NRXN3: variants seen among roughly 807,000 people sequenced by gnomAD.
NRXN3 encodes the protein neurexin 3.
Under a neutral mutation model 137.6 loss-of-function variants are expected in NRXN3, and 32 were observed. That is an observed-to-expected ratio of 0.23 (90% CI 0.18 to 0.31). NRXN3 has a LOEUF of 0.31. Among genes scored for constraint, NRXN3 ranks in the 10% least tolerant of loss-of-function variants. The probability of loss-of-function intolerance (pLI) is 1.00; values close to 1 mark genes in which losing one functional copy is unlikely to be tolerated. For synonymous variants in NRXN3, 798 were observed against 784.5 expected (o/e 1.02, Z -0.29); for missense variants, 1,574 against 2,062.5 (o/e 0.76, Z 4.59).
chr14:78,424,836 C>T (rs1222474223), intron 4 of NRXN3, among the ~76,000 whole-genome samples: 1 of 152,138 alleles, frequency 6.6e-6, no homozygotes, highest in African/African-American at 2.4e-5. Context: ...GAAACTGAGG[C>T]ACAGAGAAAT....
chr14:78,897,874 A>G (rs1352908407), intron 10 of NRXN3, among the ~76,000 whole-genome samples: 1 of 151,960 alleles, frequency 6.6e-6, no homozygotes, highest in Non-Finnish European at 1.5e-5. Flanking sequence ...CATGGATGGC[A>G]TATACCTTAT....
intron 1 of NRXN3, among the ~76,000 whole-genome samples, chr14:78,218,126 A>C (rs2063479983): frequency 1.3e-5 from 2 of 152,176 alleles, no homozygotes; most frequent in African/African-American, 4.8e-5. Flanking sequence ...GTTGTTTTAT[A>C]AAAAGGCCTT....
intron 20 of NRXN3, among the ~76,000 whole-genome samples, chr14:79,817,684 C>A (rs1037198551): frequency 4.6e-5 from 7 of 152,084 alleles, no homozygotes; most frequent in Admixed American, 1.3e-4. Flanking sequence ...CTGCCCCCAG[C>A]GTGGACACCC....
chr14:79,459,427 G>A (rs1346042023), intron 15 of NRXN3, among the ~76,000 whole-genome samples: 1 of 152,020 alleles, frequency 6.6e-6, no homozygotes, highest in Non-Finnish European at 1.5e-5. Flanking sequence ...ATAAGAAAAG[G>A]AAATTAGGGC....
In NRXN3 at chr14:79,565,209, GTA is replaced by G. The variant is rs536071615; in HGVS notation, c.3444+97815_3444+97816del. Among the ~76,000 whole-genome samples the G allele has an allele frequency of 3.0e-3, 357 of 118,570 alleles. 2 individuals carry two copies. The highest frequency in any genetic ancestry group is 0.011 in the African/African-American group (330 of 28,854). 77.8% of individuals were successfully genotyped at this position (118,570 alleles called of 152,430 possible). A position where few individuals can be genotyped will look rare whatever the true frequency, so the allele number is the denominator to read the frequency against. ...GGATTGTAGCTAGTTTTATGTTTGT[GTA>G]TATATATGTGTGTGTATATATACAT... On this transcript the variant is annotated intron_variant, in intron 16 of 20. Transcript: ENST00000335750.
chr14:78,713,745 G>C (rs1371524449), intron 7 of NRXN3, among the ~76,000 whole-genome samples: 2 of 152,208 alleles, frequency 1.3e-5, no homozygotes, highest in African/African-American at 4.8e-5. Context: ...AGGAGAGAGA[G>C]AAGTGCAGTG....
At chr14:78,788,045 T>G (rs1471115255) in intron 8 of NRXN3, among the ~76,000 whole-genome samples, 3 of 152,200 alleles carry the variant, frequency 2.0e-5, no homozygotes, top group African/African-American at 7.2e-5. Context: ...AAACATATTT[T>G]CTTATGCAGT....
chr14:79,258,212 T>C (rs2077058160), intron 15 of NRXN3, among the ~76,000 whole-genome samples: 1 of 152,280 alleles, frequency 6.6e-6, no homozygotes, highest in Non-Finnish European at 1.5e-5. Flanking sequence ...TTATTTAATT[T>C]TTGGAGACAG....
chr14:78,840,396 A>G (rs1010284924), intron 10 of NRXN3, among the ~76,000 whole-genome samples: 8 of 152,232 alleles, frequency 5.3e-5, no homozygotes, highest in Non-Finnish European at 8.8e-5. Context: ...AGATTGGATC[A>G]ATATATAAAA....
chr14:79,522,498 C>G (rs1700759637), intron 16 of NRXN3, among the ~76,000 whole-genome samples: 1 of 152,160 alleles, frequency 6.6e-6, no homozygotes, highest in Admixed American at 6.5e-5. Flanking sequence ...ATATTTCTAA[C>G]TACCTTCCAA....
intron 4 of NRXN3, among the ~76,000 whole-genome samples, chr14:78,463,809 AATTTTTGCTGAATAC>A (rs1241493570): frequency 2.7e-5 from 4 of 150,692 alleles, no homozygotes; most frequent in African/African-American, 9.8e-5. Context: ...GTACTCAGCA[AATTTTTGCTGAATAC>A]ATTTACTTAG....
intron 19 of NRXN3, among the ~76,000 whole-genome samples, chr14:79,717,917 G>A (rs2098829122): frequency 6.6e-6 from 1 of 152,184 alleles, no homozygotes; most frequent in East Asian, 1.9e-4. Flanking sequence ...TTTTTTGGGA[G>A]AGCAGGGTGA....
chr14:78,785,811 T>G (rs1272484066), intron 8 of NRXN3, among the ~76,000 whole-genome samples: 1 of 152,144 alleles, frequency 6.6e-6, no homozygotes, highest in African/African-American at 2.4e-5. Context: ...TGTACCTCCA[T>G]GTTTATGAAT....
chr14:79,228,638 G>A (rs2071528521), intron 15 of NRXN3, among the ~76,000 whole-genome samples: 1 of 152,146 alleles, frequency 6.6e-6, no homozygotes, highest in African/African-American at 2.4e-5. Flanking sequence ...TATATGGAGA[G>A]AGAGAAAAGG....
At position 79,366,980 on chromosome 14, in the gene NRXN3, CTTTTTTTTTTT is replaced by C. The variant is rs71131695; in HGVS notation, c.3263-100231_3263-100221del. Among the ~76,000 whole-genome samples, 3 of 113,204 alleles carry C rather than the reference CTTTTTTTTTTT, an allele frequency of 2.7e-5. 1 individual carries two copies. Among genetic ancestry groups the C allele is most frequent in the African/African-American group, 6.3e-5 (2 of 31,504 alleles). The allele number at this position is 113,204 out of a possible 152,430, so 74.3% of individuals were successfully genotyped here. On this transcript the variant is annotated intron_variant, in intron 15 of 20. Coordinates refer to ENST00000335750, the MANE Select transcript of NRXN3 (RefSeq NM_001330195.2). ...AGAATTAAAAACTCAGTCCCTTAGT[CTTTTTTTTTTT>C]TTTTTTTTTGGAGATGGAGTCTTGC...
intron 15 of NRXN3, among the ~76,000 whole-genome samples, chr14:79,177,042 C>A (rs1025713973): frequency 6.6e-6 from 1 of 152,056 alleles, no homozygotes; most frequent in Non-Finnish European, 1.5e-5. Context: ...TGAAATAGCT[C>A]TAGAGAAAAA....
chr14:78,480,237 G>A (rs1375448416), intron 4 of NRXN3, among the ~76,000 whole-genome samples: 2 of 152,152 alleles, frequency 1.3e-5, no homozygotes, highest in African/African-American at 4.8e-5. Flanking sequence ...TTATATAGTG[G>A]CTGCAATTCT....
chr14:79,292,380 G>T (rs181586427), intron 15 of NRXN3, among the ~76,000 whole-genome samples: 1 of 152,142 alleles, frequency 6.6e-6, no homozygotes, highest in African/African-American at 2.4e-5. Flanking sequence ...CTAAGAATCC[G>T]TTTTTTTCAG....
chr14:78,502,311 C>G (rs2095894266), intron 4 of NRXN3, among the ~76,000 whole-genome samples: 1 of 152,194 alleles, frequency 6.6e-6, no homozygotes, highest in Non-Finnish European at 1.5e-5. Flanking sequence ...AGCTTTGTTA[C>G]ATAGGTTGAT....
Sources: allele counts gnomAD v4.1 joint callset (sites outside exome capture counted in the v4.1 genomes callset), GRCh38; gene constraint gnomAD v4.1.1; transcripts MANE v1.5; gene names NCBI Gene and HGNC (gene_info 2026-07-23, HGNC 2026-07-21).